Variants in RGS7 observed in about 807,000 individuals in gnomAD.
The protein encoded by RGS7 is regulator of G-protein signaling 7.
In RGS7, 27 loss-of-function variants were observed where a neutral mutation model predicts 81.1. The observed-to-expected ratio is 0.33, with a 90% CI of 0.25 to 0.46. The LOEUF is 0.46. Among genes scored for constraint, RGS7 ranks in the 20% least tolerant of loss-of-function variants. The probability of loss-of-function intolerance (pLI) is 1.00; values close to 1 mark genes in which losing one functional copy is unlikely to be tolerated. For missense variants in RGS7, 396 were observed against 607.4 expected (o/e 0.65, Z 3.66); for synonymous variants, 208 against 207.7 (o/e 1.00, Z -0.01).
intron 18 of RGS7, among the ~76,000 whole-genome samples, chr1:240,781,560 TTGCGCCAC>T (rs1205962886): frequency 1.3e-5 from 2 of 152,118 alleles, no homozygotes; most frequent in Non-Finnish European, 2.9e-5. Flanking sequence ...TGAGGTGAGA[TTGCGCCAC>T]TGCACTCATC....
At chr1:241,149,381 TC>T (rs2103122557) in intron 2 of RGS7, among the ~76,000 whole-genome samples, 1 of 152,270 alleles carries the variant, frequency 6.6e-6, no homozygotes, top group East Asian at 1.9e-4. Context: ...GGTCTCAAAC[TC>T]CTGAGCTCAG....
chr1:240,871,961 A>T (rs1299892219), intron 6 of RGS7, among the ~76,000 whole-genome samples: 1 of 152,254 alleles, frequency 6.6e-6, no homozygotes, highest in African/African-American at 2.4e-5. Flanking sequence ...TTATTTGCAA[A>T]ATCAGCTCCC....
chr1:240,920,956 T>TA (rs1673425780), intron 6 of RGS7, among the ~76,000 whole-genome samples: 1 of 151,826 alleles, frequency 6.6e-6, no homozygotes, highest in Non-Finnish European at 1.5e-5. Flanking sequence ...CTTTTTTTTT[T>TA]AATGTACTGT....
intron 13 of RGS7, among the ~76,000 whole-genome samples, chr1:240,813,166 T>C (rs1184458627): frequency 1.3e-5 from 2 of 152,232 alleles, no homozygotes; most frequent in Non-Finnish European, 2.9e-5. Flanking sequence ...TTAGGAAGTG[T>C]CTTGCCAGTT....
intron 2 of RGS7, among the ~76,000 whole-genome samples, chr1:241,305,340 T>C (rs1415869874): frequency 6.6e-6 from 1 of 152,156 alleles, no homozygotes; most frequent in South Asian, 2.1e-4. Flanking sequence ...TTTAATGTCG[T>C]CGGTCACCCA....
At chr1:241,040,622 C>T (rs556814236) in intron 3 of RGS7, among the ~76,000 whole-genome samples, 1 of 152,226 alleles carries the variant, frequency 6.6e-6, no homozygotes, top group East Asian at 1.9e-4. Flanking sequence ...CTGCCTCAGC[C>T]TCCCAAGTAG....
At chr1:241,010,761 C>CAATGGG (rs1160838949) in intron 3 of RGS7, among the ~76,000 whole-genome samples, 4 of 152,128 alleles carry the variant, frequency 2.6e-5, no homozygotes, top group African/African-American at 9.7e-5. Flanking sequence ...CTGATCCTAT[C>CAATGGG]AATGGGTCGC....
chr1:240,943,748 G>A (rs915589955), intron 4 of RGS7, among the ~76,000 whole-genome samples: 6 of 152,212 alleles, frequency 3.9e-5, no homozygotes, highest in African/African-American at 9.6e-5. Context: ...TTCCAAAGGC[G>A]GCATGCTCCA....
chr1:241,043,776 G>A (rs952236511), intron 3 of RGS7, among the ~76,000 whole-genome samples: 1 of 151,664 alleles, frequency 6.6e-6, no homozygotes, highest in Non-Finnish European at 1.5e-5. Flanking sequence ...TATTTACATT[G>A]TGTTAGGCAT....
intron 3 of RGS7, among the ~76,000 whole-genome samples, chr1:241,083,212 C>T (rs1159634424): frequency 4.6e-5 from 6 of 129,388 alleles, no homozygotes; most frequent in East Asian, 2.2e-4. Flanking sequence ...GGCGACAGAG[C>T]GAGACTCTGT....
At chr1:241,265,265 CT>C (rs1416354156) in intron 2 of RGS7, among the ~76,000 whole-genome samples, 3 of 152,224 alleles carry the variant, frequency 2.0e-5, no homozygotes, top group African/African-American at 7.2e-5. Flanking sequence ...GTGCCATTTA[CT>C]CGGCCATCTC....
chr1:240,925,877 G>C (rs1299165842), intron 6 of RGS7, among the ~76,000 whole-genome samples: 3 of 152,138 alleles, frequency 2.0e-5, no homozygotes, highest in Non-Finnish European at 2.9e-5. Flanking sequence ...CTGATGATCT[G>C]TAATGTTGAG....
At chr1:241,287,514 G>A (rs1169458618) in intron 2 of RGS7, among the ~76,000 whole-genome samples, 1 of 152,156 alleles carries the variant, frequency 6.6e-6, no homozygotes, top group Non-Finnish European at 1.5e-5. Flanking sequence ...CAGCCATGTG[G>A]AACTGTGAGT....
At chr1:241,161,937 G>A (rs940502464) in intron 2 of RGS7, among the ~76,000 whole-genome samples, 13 of 151,854 alleles carry the variant, frequency 8.6e-5, no homozygotes, top group South Asian at 2.1e-4. Context: ...GGCTGGTCTC[G>A]AACTCCTGAC....
intron 3 of RGS7, among the ~76,000 whole-genome samples, chr1:240,991,967 C>T (rs538202853): frequency 1.3e-5 from 2 of 152,180 alleles, no homozygotes; most frequent in East Asian, 1.9e-4. Context: ...GTTTATTGAT[C>T]GATAAATTAA....
At chr1:240,797,884 G>A (rs1687333983) in intron 18 of RGS7, among the ~76,000 whole-genome samples, 1 of 152,128 alleles carries the variant, frequency 6.6e-6, no homozygotes, top group Non-Finnish European at 1.5e-5. Context: ...GACATGAAAA[G>A]GAGCTTTCTT....
At chr1:241,231,399 C>G (rs2075654962) in intron 2 of RGS7, among the ~76,000 whole-genome samples, 1 of 152,114 alleles carries the variant, frequency 6.6e-6, no homozygotes, top group African/African-American at 2.4e-5. Context: ...TTCTGGAACT[C>G]TAGTGGTAAG....
chr1:240,839,049 G>A (rs1695174033), intron 9 of RGS7, among the ~76,000 whole-genome samples: 1 of 152,220 alleles, frequency 6.6e-6, no homozygotes, highest in South Asian at 2.1e-4. Flanking sequence ...ACAGGCGTAA[G>A]CCACTGTGCC....
At chr1:241,230,012 G>A (rs1201036443) in intron 2 of RGS7, among the ~76,000 whole-genome samples, 1 of 152,136 alleles carries the variant, frequency 6.6e-6, no homozygotes, top group Non-Finnish European at 1.5e-5. Flanking sequence ...CTGGCTACAA[G>A]AGGAGGAGTC....
Sources: gnomAD v4.1 joint callset for allele counts (sites outside exome capture counted in the v4.1 genomes callset) on GRCh38, gnomAD v4.1.1 for gene constraint, MANE v1.5 for transcripts, NCBI Gene and HGNC (gene_info 2026-07-23, HGNC 2026-07-21) for gene names.